TFB1M: variants seen among roughly 807,000 people sequenced by gnomAD.
TFB1M encodes the protein dimethyladenosine transferase 1, mitochondrial.
Under a neutral mutation model 31.1 loss-of-function variants are expected in TFB1M, and 27 were observed. The ratio of observed to expected loss-of-function variants is 0.87; its 90% confidence interval spans 0.64 to 1.20. The LOEUF is 1.20. Among genes scored for constraint, TFB1M ranks in the 50% most tolerant of loss-of-function variants. The pLI, the probability that TFB1M is intolerant of heterozygous loss-of-function variation, is 0.00. For synonymous variants in TFB1M, 166 were observed against 151.8 expected (o/e 1.09, Z -0.69); for missense variants, 394 against 418.7 (o/e 0.94, Z 0.51).
intron 5 of TFB1M, among the ~76,000 whole-genome samples, chr6:155,267,448 C>T (rs1387293044): frequency 1.3e-5 from 2 of 152,188 alleles, no homozygotes; most frequent in African/African-American, 4.8e-5. Context: ...GTCCAAAGAA[C>T]AAAAGGAAGG....
Position 155,256,730 on chromosome 6 carries a change from A to C in TFB1M, c.*1106T>G, listed in dbSNP as rs768528587. The C allele has an allele frequency of 1.2e-6, 2 of 1,614,232 alleles. No individual in the cohort carries two copies. The highest frequency in any genetic ancestry group is 1.7e-6 in the Non-Finnish European group (2 of 1,180,034). On this transcript the variant is annotated 3_prime_UTR_variant, in exon 7 of 7. Transcript: ENST00000367166. ...GAGAGTGACATCCTGAGCGATGAAGATGATGACCACCGTCAGACTGTGAAG... is the reference window on the plus strand; with the variant it reads ...GAGAGTGACATCCTGAGCGATGAAGCTGATGACCACCGTCAGACTGTGAAG...
In TFB1M at chr6:155,314,078, A is replaced by AC. The variant is rs1162273986; in HGVS notation, c.133+217dup. Reference sequence around the variant, plus strand: ...TTTATGCAGCCTGCCGGCAGGCTACACCCCCCCGAACGCGGAGTTTTGTGA... The same window carrying AC: ...TTTATGCAGCCTGCCGGCAGGCTACACCCCCCCCGAACGCGGAGTTTTGTGA... On this transcript the variant is annotated intron_variant, in intron 1 of 6. Coordinates refer to ENST00000367166, the MANE Select transcript of TFB1M (RefSeq NM_016020.4). The AC allele has an allele frequency of 3.9e-5, 56 of 1,436,186 alleles. No individual in the cohort carries two copies. The Admixed American group carries it at 4.7e-4, about 12-fold the overall frequency. The allele number at this position is 1,436,186 out of a possible 1,614,324, so 89.0% of individuals were successfully genotyped here.
chr6:155,307,713 C>T (rs2114810761), intron 2 of TFB1M, among the ~76,000 whole-genome samples: 1 of 152,198 alleles, frequency 6.6e-6, no homozygotes, highest in South Asian at 2.1e-4. Flanking sequence ...TGTGCAATTG[C>T]AATCTTTTGG....
chr6:155,296,604 C>T (rs182721676), intron 4 of TFB1M, among the ~76,000 whole-genome samples: 65 of 151,406 alleles, frequency 4.3e-4, no homozygotes, highest in African/African-American at 1.5e-3. Context: ...AACTGCCATG[C>T]CATTAAGCCT....
At chr6:155,237,946 T>C in the TFB1M span, among the ~76,000 whole-genome samples, 9 of 152,268 alleles carry the variant, frequency 5.9e-5, no homozygotes, top group African/African-American at 2.2e-4. Flanking sequence ...TCTTTACTTA[T>C]GCAAATGTCT....
chr6:155,294,723 C>A (rs987368070), intron 4 of TFB1M, among the ~76,000 whole-genome samples: 2 of 152,124 alleles, frequency 1.3e-5, no homozygotes, highest in African/African-American at 2.4e-5. Flanking sequence ...TATAAACAGG[C>A]GTGATGATTT....
rs554055627 is a variant in TFB1M, at chr6:155,309,608, G to A, written c.285+1580C>T. ...TGAATGGAAATCTGGTTCACCCCCT[G>A]GCCTAATAAGAAAGAATAAACCCAA... is the stretch of plus-strand genomic sequence containing the variant. On this transcript the variant is annotated intron_variant, in intron 2 of 6. Transcript: ENST00000367166. 6.4e-4 allele frequency among the ~76,000 whole-genome samples: 98 copies of A among 152,176 alleles called. No individual in the cohort carries two copies. In the Middle Eastern group the frequency reaches 0.014, roughly 21 times the overall value.
chr6:155,290,045 A>G (rs1042829160), intron 4 of TFB1M, among the ~76,000 whole-genome samples: 1 of 152,146 alleles, frequency 6.6e-6, no homozygotes, highest in African/African-American at 2.4e-5. Context: ...TTTTTTTTAA[A>G]ATAAATTACC....
chr6:155,276,430 T>G, intron 5 of TFB1M: 1 of 1,491,560 alleles, frequency 6.7e-7, no homozygotes, highest in Non-Finnish European at 9.1e-7. Flanking sequence ...AAATGGGACT[T>G]TTAGATTAAA....
At chr6:155,302,209 T>C (rs903094907) in intron 2 of TFB1M, among the ~76,000 whole-genome samples, 2 of 152,212 alleles carry the variant, frequency 1.3e-5, no homozygotes, top group East Asian at 1.9e-4. Context: ...CACCTTCTCA[T>C]GTAAGGGGTT....
At position 155,260,377 on chromosome 6, in the gene TFB1M, G is replaced by A. The variant is rs116063715; in HGVS notation, c.690C>T (p.Phe230=). Residue 230 remains phenylalanine (F), a synonymous_variant, in exon 6 of 7, where the codon TTC becomes TTT. Coordinates refer to ENST00000367166, the MANE Select transcript of TFB1M (RefSeq NM_016020.4). ...CTATCTTGGGCTGTATCAAGGGAGTGAAGTGCACCACGCCCACGTCCACCT... is the reference window on the plus strand; with the variant it reads ...CTATCTTGGGCTGTATCAAGGGAGTAAAGTGCACCACGCCCACGTCCACCT... ...KPEVDVGVVH[F]TPLIQPKIEQ... 155 of 1,614,212 alleles carry A rather than the reference G, an allele frequency of 9.6e-5. 1 individual carries two copies. In the African/African-American group the frequency reaches 1.9e-3, roughly 20 times the overall value.
At chr6:155,294,263 GA>G (rs1680093474) in intron 4 of TFB1M, among the ~76,000 whole-genome samples, 1 of 152,126 alleles carries the variant, frequency 6.6e-6, no homozygotes, top group Admixed American at 6.5e-5. Context: ...GATAACAGAA[GA>G]ATATCTTCAT....
chr6:155,250,951 T>C, the TFB1M span: 5 of 1,614,120 alleles, frequency 3.1e-6, no homozygotes, highest in African/African-American at 5.3e-5. Flanking sequence ...TGATGCACTC[T>C]ACGGTTTCCT....
intron 5 of TFB1M, among the ~76,000 whole-genome samples, chr6:155,270,956 C>T (rs142605388): frequency 1.2e-4 from 18 of 152,312 alleles, no homozygotes; most frequent in African/African-American, 3.1e-4. Flanking sequence ...AAGCTTACAA[C>T]GACTTAGAGA....
At chr6:155,306,334 A>G (rs1562426694) in intron 2 of TFB1M, among the ~76,000 whole-genome samples, 2 of 152,174 alleles carry the variant, frequency 1.3e-5, no homozygotes, top group African/African-American at 2.4e-5. Context: ...CAGGACCCGG[A>G]TATTCTACAC....
At chr6:155,261,814 C>A (rs79739560) in intron 5 of TFB1M, among the ~76,000 whole-genome samples, 2 of 152,272 alleles carry the variant, frequency 1.3e-5, no homozygotes, top group South Asian at 4.1e-4. Flanking sequence ...ATGTGCCAAG[C>A]GGCCTTTCCA....
At chr6:155,250,817 C>T in the TFB1M span, 1 of 1,325,258 alleles carries the variant, frequency 7.5e-7, no homozygotes, top group Non-Finnish European at 1.1e-6. Flanking sequence ...GCTGTGCTTG[C>T]ATTTTAGCAA....
intron 3 of TFB1M, 26 bp downstream of exon 3, chr6:155,298,451 T>C (rs1777280750): frequency 8.5e-7 from 1 of 1,181,814 alleles, no homozygotes; most frequent in Non-Finnish European, 1.3e-6. Flanking sequence ...AAAAGAAATG[T>C]TTTATAACTA....
chr6:155,298,107 A>G (rs11964387), intron 3 of TFB1M, among the ~76,000 whole-genome samples: 14,027 of 152,310 alleles, frequency 0.092, 796 homozygotes, highest in Non-Finnish European at 0.11. Context: ...GAATAATAGA[A>G]AAAGTTAAAA....
Sources: gnomAD v4.1 joint callset for allele counts (sites outside exome capture counted in the v4.1 genomes callset) on GRCh38, gnomAD v4.1.1 for gene constraint, MANE v1.5 for transcripts, NCBI Gene and HGNC (gene_info 2026-07-23, HGNC 2026-07-21) for gene names.